MYSM1: variants seen among roughly 807,000 people sequenced by gnomAD.
The protein encoded by MYSM1 is deubiquitinase MYSM1.
Under a neutral mutation model 116.0 loss-of-function variants are expected in MYSM1, and 51 were observed. The ratio of observed to expected loss-of-function variants is 0.44; its 90% CI spans 0.35 to 0.56. MYSM1 has a LOEUF of 0.56. Among genes scored for constraint, MYSM1 ranks in the 20% least tolerant of loss-of-function variants. The pLI, the probability that MYSM1 is intolerant of heterozygous loss-of-function variation, is 0.00. For synonymous variants in MYSM1, 313 were observed against 315.2 expected (o/e 0.99, Z 0.07); for missense variants, 900 against 974.9 (o/e 0.92, Z 1.02).
intron 10 of MYSM1, among the ~76,000 whole-genome samples, chr1:58,674,910 C>G (rs1409972713): frequency 2.2e-5 from 3 of 135,754 alleles, no homozygotes; most frequent in African/African-American, 2.7e-5. Flanking sequence ...CTGGGTGACA[C>G]AGCGAGACTC....
chr1:58,679,169 T>G (rs761385901), intron 8 of MYSM1, among the ~76,000 whole-genome samples: 2 of 152,096 alleles, frequency 1.3e-5, no homozygotes, highest in Non-Finnish European at 2.9e-5. Context: ...AAACTTTAAC[T>G]CTTCTATTTT....
chr1:58,684,287 C>T (rs765882067), intron 7 of MYSM1, among the ~76,000 whole-genome samples: 24 of 151,922 alleles, frequency 1.6e-4, no homozygotes, highest in Admixed American at 2.6e-4. Context: ...AATTCTAGGC[C>T]GGGCACGGTG....
intron 2 of MYSM1, 54 bp downstream of exon 2, chr1:58,695,075 C>T: frequency 6.7e-6 from 7 of 1,046,704 alleles, no homozygotes; most frequent in Non-Finnish European, 8.7e-6. Context: ...AGAAGAAGCA[C>T]TCTAGGCAAT....
At chr1:58,683,528 TAC>T (rs1644779883) in intron 7 of MYSM1, among the ~76,000 whole-genome samples, 1 of 152,148 alleles carries the variant, frequency 6.6e-6, no homozygotes, top group Non-Finnish European at 1.5e-5. Flanking sequence ...TACCTGCTAC[TAC>T]AGACATAAAT....
chr1:58,688,973 T>G, intron 6 of MYSM1, 65 bp downstream of exon 6: 1 of 1,411,436 alleles, frequency 7.1e-7, no homozygotes, highest in Non-Finnish European at 9.8e-7. Context: ...TAATTTAACC[T>G]TATAACTTTA....
At chr1:58,683,669 C>T (rs1362694325) in intron 7 of MYSM1, among the ~76,000 whole-genome samples, 1 of 152,126 alleles carries the variant, frequency 6.6e-6, no homozygotes, top group Non-Finnish European at 1.5e-5. Context: ...AGAGATATGA[C>T]AGCTCTCAGA....
At chr1:58,682,994 G>A (rs1011926867) in intron 7 of MYSM1, among the ~76,000 whole-genome samples, 1 of 152,048 alleles carries the variant, frequency 6.6e-6, no homozygotes, top group Non-Finnish European at 1.5e-5. Context: ...TTCTTTAAAG[G>A]GTTTATAATA....
intron 3 of MYSM1, 39 bp from the exon 4 acceptor site, chr1:58,690,456 A>G (rs772592909): frequency 6.5e-6 from 9 of 1,376,356 alleles, no homozygotes; most frequent in African/African-American, 4.4e-5. Flanking sequence ...ACAATATTAC[A>G]GTCATGTAAT....
rs560975080 is a variant in MYSM1, at chr1:58,678,008, G to C, written c.1260-952C>G. ...CATGAATATATTGTTCTAAGCACTA[G>C]AGATACACAGATAATGTAAAATTTC... is the stretch of plus-strand genomic sequence containing the variant. On this transcript the variant is annotated intron_variant, in intron 8 of 19. Transcript: ENST00000472487. Among the ~76,000 whole-genome samples the C allele has an allele frequency of 3.4e-4, 52 of 152,170 alleles. 1 individual carries two copies. The highest frequency in any genetic ancestry group is 3.4e-3 in the Middle Eastern group (1 of 294).
At chr1:58,671,791 C>A in intron 12 of MYSM1, 79 bp downstream of exon 12, 1 of 1,019,050 alleles carries the variant, frequency 9.8e-7, no homozygotes, top group South Asian at 1.6e-5. Context: ...CAATATAATG[C>A]AGCTATTGAA....
chr1:58,675,651 T>C, intron 9 of MYSM1, 71 bp from the exon 10 acceptor site: 1 of 1,147,772 alleles, frequency 8.7e-7, no homozygotes, highest in Non-Finnish European at 1.3e-6. Flanking sequence ...GTAAGACACA[T>C]GTACACTGAC....
Position 58,688,740 on chromosome 1 carries a change from G to A in MYSM1, c.399+298C>T, listed in dbSNP as rs909244971. On this transcript the variant is annotated intron_variant, in intron 6 of 19. Coordinates refer to ENST00000472487, the MANE Select transcript of MYSM1 (RefSeq NM_001085487.3). ...TAAATAATTTTGCCTTTTAATCCAGGTAGTTGGTGTCATGTATACAGATAT... is the reference window on the plus strand; with the variant it reads ...TAAATAATTTTGCCTTTTAATCCAGATAGTTGGTGTCATGTATACAGATAT... 5.3e-5 allele frequency among the ~76,000 whole-genome samples: 8 copies of A among 151,762 alleles called. No individual in the cohort carries two copies. The East Asian group carries it at 1.5e-3, about 29-fold the overall frequency.
chr1:58,667,544 A>G (rs905763430), intron 15 of MYSM1, among the ~76,000 whole-genome samples: 3 of 152,184 alleles, frequency 2.0e-5, no homozygotes, highest in African/African-American at 7.2e-5. Flanking sequence ...AATGATGCAT[A>G]CAAACTTTCA....
At position 58,671,944 on chromosome 1, in the gene MYSM1, C is replaced by T; in HGVS notation, c.1587G>A (p.Glu529=). The change falls in exon 12 of 20, where the codon GAG becomes GAA. Residue 529 remains glutamate (E), a synonymous_variant. Coordinates refer to ENST00000472487, the MANE Select transcript of MYSM1 (RefSeq NM_001085487.3). ...EGQTFEHLSA[E]ELAKRREEEK... Reference sequence around the variant, plus strand: ...CCTCTTCTCTTCTTTTTGCCAACTCCTCAGCAGAGAGATGCTAAAACAAAA... The same window carrying T: ...CCTCTTCTCTTCTTTTTGCCAACTCTTCAGCAGAGAGATGCTAAAACAAAA... 6.2e-7 allele frequency: 1 copy of T among 1,613,014 alleles called. No individual in the cohort carries two copies. Among genetic ancestry groups the T allele is most frequent in the Non-Finnish European group, 8.5e-7 (1 of 1,179,566 alleles).
chr1:58,685,013 T>C, intron 7 of MYSM1, 140 bp downstream of exon 7: 1 of 504,820 alleles, frequency 2.0e-6, no homozygotes, highest in Non-Finnish European at 3.3e-6. Context: ...TCCTCTGAGG[T>C]TTTGTATAGT....
chr1:58,686,891 C>T (rs1249842411), intron 6 of MYSM1, among the ~76,000 whole-genome samples: 1 of 151,168 alleles, frequency 6.6e-6, no homozygotes, highest in Non-Finnish European at 1.5e-5. Flanking sequence ...CCTAGCTACT[C>T]AGGAGACTGA....
intron 14 of MYSM1, 66 bp from the exon 15 acceptor site, chr1:58,667,987 A>C: frequency 1.8e-6 from 2 of 1,084,882 alleles, no homozygotes; most frequent in Non-Finnish European, 2.9e-6. Context: ...AACAAAACTC[A>C]CTTATCATAA....
rs918892178 is a variant in MYSM1 at position 58,659,678 on chromosome 1, T to TAA, written c.*318_*319insTT. 1 of 180,664 alleles carries TAA rather than the reference T, an allele frequency of 5.5e-6. No individual in the cohort carries two copies. The highest frequency in any genetic ancestry group is 6.2e-5 in the Admixed American group (1 of 16,130). The allele number at this position is 180,664 out of a possible 1,614,324, so 11.2% of individuals were successfully genotyped here. ...TGACTAGTTCAGGGAAGAAATGACT[T>TAA]AGAGACATAGTCCAAATCCCAAGCT... On this transcript the variant is annotated 3_prime_UTR_variant, in exon 20 of 20. Transcript: ENST00000472487.
chr1:58,689,812 G>T, intron 5 of MYSM1: 1 of 159,202 alleles, frequency 6.3e-6, no homozygotes, highest in Non-Finnish European at 1.4e-5. Flanking sequence ...CAATTATAGG[G>T]AAAGGATATT....
Sources: gnomAD v4.1 joint callset for allele counts (sites outside exome capture counted in the v4.1 genomes callset) on GRCh38, gnomAD v4.1.1 for gene constraint, MANE v1.5 for transcripts, NCBI Gene and HGNC (gene_info 2026-07-23, HGNC 2026-07-21) for gene names.